The following PIP5K1B variants were observed in gnomAD, a reference collection of about 807,000 sequenced individuals.
PIP5K1B encodes phosphatidylinositol-4-phosphate 5-kinase type 1 beta.
In PIP5K1B, 42 loss-of-function variants were observed where a neutral mutation model predicts 67.0. The observed-to-expected ratio is 0.63, with a 90% CI of 0.49 to 0.81. PIP5K1B has a LOEUF of 0.81. PIP5K1B is among the 30% of genes least tolerant of loss of function. The pLI, the probability that PIP5K1B is intolerant of heterozygous loss-of-function variation, is 0.00. For synonymous variants in PIP5K1B, 214 were observed against 231.4 expected (o/e 0.92, Z 0.68); for missense variants, 459 against 646.3 (o/e 0.71, Z 3.14).
chr9:68,852,328 T>C (rs1822533506), intron 4 of PIP5K1B, among the ~76,000 whole-genome samples: 1 of 151,966 alleles, frequency 6.6e-6, no homozygotes, highest in Non-Finnish European at 1.5e-5. Flanking sequence ...AAAATGTACC[T>C]TGTTACCCGC....
intron 1 of PIP5K1B, among the ~76,000 whole-genome samples, chr9:68,735,282 T>C (rs1308570491): frequency 6.8e-6 from 1 of 146,188 alleles, no homozygotes; most frequent in Non-Finnish European, 1.5e-5. Flanking sequence ...CTACTGTTAA[T>C]ACTTTATTCA....
chr9:68,757,408 G>T (rs914325253), intron 2 of PIP5K1B, among the ~76,000 whole-genome samples: 5 of 152,082 alleles, frequency 3.3e-5, no homozygotes, highest in Admixed American at 3.3e-4. Flanking sequence ...AAACTTCAGA[G>T]ACCTAGTTTC....
chr9:69,003,869 C>T (rs928894269), intron 15 of PIP5K1B, among the ~76,000 whole-genome samples: 13 of 152,140 alleles, frequency 8.5e-5, no homozygotes, highest in South Asian at 8.3e-4. Flanking sequence ...CCAGGGGATC[C>T]GACTTCACAG....
At chr9:68,738,669 C>A (rs775957436) in intron 1 of PIP5K1B, among the ~76,000 whole-genome samples, 1 of 152,158 alleles carries the variant, frequency 6.6e-6, no homozygotes, top group Non-Finnish European at 1.5e-5. Flanking sequence ...TGTTCCTTGG[C>A]GAGTTTGGCC....
rs575648057 is a variant in PIP5K1B at position 68,964,853 on chromosome 9, T to C, written c.1502+24063T>C. On this transcript the variant is annotated intron_variant, in intron 14 of 15. Coordinates refer to ENST00000265382, the MANE Select transcript of PIP5K1B (RefSeq NM_003558.4). ...AATTCTCTTAGCTCCCAAGAGGAGG[T>C]TGATTGATCACAATAAATACAGAGC... Among the ~76,000 whole-genome samples, 4 of 152,312 alleles carry C rather than the reference T, an allele frequency of 2.6e-5. No individual in the cohort carries two copies. In the East Asian group the frequency reaches 5.8e-4, roughly 22 times the overall value.
intron 2 of PIP5K1B, among the ~76,000 whole-genome samples, chr9:68,767,941 C>CA (rs577791544): frequency 3.3e-5 from 5 of 151,184 alleles, no homozygotes; most frequent in Admixed American, 6.6e-5. Context: ...TTTATAGTAA[C>CA]AAAAAAAACT....
At chr9:68,856,996 C>T (rs6560397) in intron 4 of PIP5K1B, among the ~76,000 whole-genome samples, 63,833 of 152,010 alleles carry the variant, frequency 0.42, 13,916 homozygotes, top group Non-Finnish European at 0.48. Context: ...CCATATAAAG[C>T]GAAGTGAGAA....
At chr9:68,939,090 A>G (rs1827424535) in intron 13 of PIP5K1B, among the ~76,000 whole-genome samples, 1 of 152,214 alleles carries the variant, frequency 6.6e-6, no homozygotes, top group Admixed American at 6.5e-5. Context: ...AGGCCCCACA[A>G]CAAAGGGAGA....
chr9:68,724,505 T>C (rs1828059404), intron 1 of PIP5K1B, among the ~76,000 whole-genome samples: 1 of 152,160 alleles, frequency 6.6e-6, no homozygotes, highest in Admixed American at 6.5e-5. Flanking sequence ...GTTAAATTGA[T>C]ATACAGATTT....
chr9:68,835,142 A>G (rs1343932786), intron 4 of PIP5K1B, among the ~76,000 whole-genome samples: 2 of 152,224 alleles, frequency 1.3e-5, no homozygotes, highest in Non-Finnish European at 2.9e-5. Context: ...CAGGTTTGCT[A>G]TTTCAAAGAG....
At chr9:68,959,665 A>T (rs548442616) in intron 14 of PIP5K1B, among the ~76,000 whole-genome samples, 2 of 152,264 alleles carry the variant, frequency 1.3e-5, no homozygotes, top group East Asian at 3.9e-4. Flanking sequence ...TTCCTATTAG[A>T]TTGTAATTTA....
chr9:68,827,385 G>T (rs538583600), intron 4 of PIP5K1B, among the ~76,000 whole-genome samples: 1 of 152,384 alleles, frequency 6.6e-6, no homozygotes, highest in South Asian at 2.1e-4. Context: ...CAAGCTATGT[G>T]TGGCTATAGG....
chr9:68,772,734 A>C (rs1830726645), intron 2 of PIP5K1B, among the ~76,000 whole-genome samples: 2 of 152,232 alleles, frequency 1.3e-5, no homozygotes, highest in African/African-American at 4.8e-5. Context: ...GAAAATGTAT[A>C]GCTCTATAAT....
intron 8 of PIP5K1B, among the ~76,000 whole-genome samples, chr9:68,899,631 A>G (rs883951): frequency 0.23 from 34,926 of 152,178 alleles, 4,414 homozygotes; most frequent in Admixed American, 0.31. Flanking sequence ...TCCATTTTGA[A>G]TCACTTGGGA....
intron 14 of PIP5K1B, among the ~76,000 whole-genome samples, chr9:68,983,460 G>GTT (rs1015865050): frequency 6.7e-6 from 1 of 149,368 alleles, no homozygotes; most frequent in Non-Finnish European, 1.5e-5. Context: ...CTGTGTGTGT[G>GTT]TTTTTTTTTT....
At chr9:68,875,275 C>T (rs957686383) in intron 5 of PIP5K1B, among the ~76,000 whole-genome samples, 8 of 124,936 alleles carry the variant, frequency 6.4e-5, no homozygotes, top group Non-Finnish European at 1.3e-4. Context: ...CACAAGCCAG[C>T]TCCATCCTCT....
intron 2 of PIP5K1B, among the ~76,000 whole-genome samples, chr9:68,776,838 T>C (rs1165104573): frequency 6.6e-6 from 1 of 152,192 alleles, no homozygotes; most frequent in African/African-American, 2.4e-5. Flanking sequence ...TCTGGCATTA[T>C]TCATTTGCAG....
intron 11 of PIP5K1B, among the ~76,000 whole-genome samples, chr9:68,920,871 TAAC>T (rs1826360994): frequency 6.6e-6 from 1 of 151,772 alleles, no homozygotes; most frequent in South Asian, 2.1e-4. Context: ...TTCCTGCTAC[TAAC>T]AACATTTATT....
chr9:69,001,920 T>A (rs777129161), intron 15 of PIP5K1B, among the ~76,000 whole-genome samples: 3 of 152,224 alleles, frequency 2.0e-5, no homozygotes, highest in Admixed American at 6.5e-5. Flanking sequence ...AGGAAACAAA[T>A]TAATCAGTCA....
Sources: allele counts gnomAD v4.1 joint callset (sites outside exome capture counted in the v4.1 genomes callset), GRCh38; gene constraint gnomAD v4.1.1; transcripts MANE v1.5; gene names NCBI Gene and HGNC (gene_info 2026-07-23, HGNC 2026-07-21).